Variants in KCND2 observed in about 807,000 individuals in gnomAD.
KCND2 encodes the protein potassium voltage-gated channel subfamily D member 2.
In KCND2, 16 loss-of-function variants were observed where a neutral mutation model predicts 54.4. The observed-to-expected ratio is 0.29, with a 90% CI of 0.20 to 0.45. The LOEUF is 0.45. Among genes scored for constraint, KCND2 ranks in the 20% least tolerant of loss-of-function variants. The probability of loss-of-function intolerance (pLI) is 1.00; values close to 1 mark genes in which losing one functional copy is unlikely to be tolerated. For synonymous variants in KCND2, 317 were observed against 310.7 expected (o/e 1.02, Z -0.21); for missense variants, 486 against 824.2 (o/e 0.59, Z 5.02).
chr7:120,553,433 G>T (rs1167944474), intron 1 of KCND2, among the ~76,000 whole-genome samples: 1 of 152,204 alleles, frequency 6.6e-6, no homozygotes, highest in African/African-American at 2.4e-5. Context: ...ATCCACTGAT[G>T]TATACTTAGT....
chr7:120,352,445 T>C (rs998236041), intron 1 of KCND2, among the ~76,000 whole-genome samples: 2 of 120,378 alleles, frequency 1.7e-5, no homozygotes, highest in African/African-American at 5.9e-5. Flanking sequence ...TACAAATATA[T>C]ATACACACAT....
chr7:120,433,519 A>C (rs6980067), intron 1 of KCND2, among the ~76,000 whole-genome samples: 38,412 of 152,078 alleles, frequency 0.25, 6,623 homozygotes, highest in East Asian at 0.56. Context: ...GACACATCTC[A>C]CTGCATTTTA....
rs1216995177 is a variant in KCND2, at chr7:120,500,743, GTTGATCA to G, written c.1115+224997_1115+225003del. 5.3e-5 allele frequency among the ~76,000 whole-genome samples: 8 copies of G among 151,546 alleles called. No homozygotes were observed. The East Asian group carries it at 1.4e-3, about 26-fold the overall frequency. Reference sequence around the variant, plus strand: ...TAACTTGCTATTTTTGCTTCATTTGGTTGATCAACTTTGCTTTTCTAAATATGTGTCT... The same window carrying G: ...TAACTTGCTATTTTTGCTTCATTTGGACTTTGCTTTTCTAAATATGTGTCT... On this transcript the variant is annotated intron_variant, in intron 1 of 5. Coordinates refer to ENST00000331113, the MANE Select transcript of KCND2 (RefSeq NM_012281.3).
chr7:120,422,740 C>T (rs1267147045), intron 1 of KCND2, among the ~76,000 whole-genome samples: 1 of 152,200 alleles, frequency 6.6e-6, no homozygotes, highest in African/African-American at 2.4e-5. Flanking sequence ...GGTTATTCCA[C>T]TGTCTGTGAA....
chr7:120,370,807 T>G (rs1050191425), intron 1 of KCND2, among the ~76,000 whole-genome samples: 1 of 152,070 alleles, frequency 6.6e-6, no homozygotes, highest in African/African-American at 2.4e-5. Context: ...AAACAAAGAT[T>G]ATACCAGAGC....
chr7:120,372,297 G>A (rs989207179), intron 1 of KCND2, among the ~76,000 whole-genome samples: 2 of 151,448 alleles, frequency 1.3e-5, no homozygotes, highest in South Asian at 2.1e-4. Flanking sequence ...TCCATTCCTC[G>A]ACACTGCTCC....
chr7:120,473,563 G>C (rs1802490280), intron 1 of KCND2, among the ~76,000 whole-genome samples: 1 of 152,074 alleles, frequency 6.6e-6, no homozygotes. Context: ...CTTGTGTCAG[G>C]ATAGCAAATT....
At chr7:120,283,673 C>T (rs545012067) in intron 1 of KCND2, among the ~76,000 whole-genome samples, 1 of 152,188 alleles carries the variant, frequency 6.6e-6, no homozygotes, top group South Asian at 2.1e-4. Flanking sequence ...GGAACTGATG[C>T]AGATAATTAT....
intron 1 of KCND2, among the ~76,000 whole-genome samples, chr7:120,602,430 G>T (rs190380034): frequency 6.6e-6 from 1 of 152,008 alleles, no homozygotes; most frequent in Non-Finnish European, 1.5e-5. Flanking sequence ...AATATGCCTG[G>T]ACAGAGGTAT....
At chr7:120,386,611 C>T (rs1800991755) in intron 1 of KCND2, among the ~76,000 whole-genome samples, 1 of 152,078 alleles carries the variant, frequency 6.6e-6, no homozygotes, top group Non-Finnish European at 1.5e-5. Context: ...TTTAGAAAAC[C>T]AGAAATATTT....
chr7:120,429,330 A>T (rs903918044), intron 1 of KCND2, among the ~76,000 whole-genome samples: 3 of 152,114 alleles, frequency 2.0e-5, no homozygotes, highest in South Asian at 2.1e-4. Context: ...TAAATAAATA[A>T]ACAAAAAACA....
intron 1 of KCND2, among the ~76,000 whole-genome samples, chr7:120,424,435 A>G (rs564136572): frequency 6.6e-6 from 1 of 152,334 alleles, no homozygotes; most frequent in East Asian, 1.9e-4. Context: ...ACAATTTGCA[A>G]CAACTAATTA....
At chr7:120,299,976 G>A (rs1799563070) in intron 1 of KCND2, among the ~76,000 whole-genome samples, 1 of 151,970 alleles carries the variant, frequency 6.6e-6, no homozygotes, top group Non-Finnish European at 1.5e-5. Context: ...TGATTATTTT[G>A]GCATATATTA....
chr7:120,383,267 T>C (rs1340045077), intron 1 of KCND2, among the ~76,000 whole-genome samples: 1 of 152,098 alleles, frequency 6.6e-6, no homozygotes, highest in African/African-American at 2.4e-5. Context: ...CTTATCCACT[T>C]CTGTATCAGC....
chr7:120,425,968 T>C (rs976359430), intron 1 of KCND2, among the ~76,000 whole-genome samples: 1 of 152,120 alleles, frequency 6.6e-6, no homozygotes, highest in African/African-American at 2.4e-5. Context: ...TTAGAACTAG[T>C]TAATTTTATT....
rs539323407 is a variant in KCND2 at position 120,285,335 on chromosome 7, A to G, written c.1115+9588A>G. Among the ~76,000 whole-genome samples the G allele has an allele frequency of 5.3e-5, 8 of 152,090 alleles. No individual in the cohort carries two copies. The South Asian group carries it at 8.3e-4, about 16-fold the overall frequency. The stretch of plus-strand genomic sequence containing the variant: ...AGACTAGTTTACTTATTCTTGTGAA[A>G]TTAGGTATGAGAATTGATGTTGATA... On this transcript the variant is annotated intron_variant, in intron 1 of 5. Transcript: ENST00000331113.
At position 120,410,230 on chromosome 7, in the gene KCND2, G is replaced by C. The variant is rs1031911801; in HGVS notation, c.1115+134483G>C. On this transcript the variant is annotated intron_variant, in intron 1 of 5. Transcript: ENST00000331113. The stretch of plus-strand genomic sequence containing the variant: ...TTGGTCAATTTTCAAACTCTGTATT[G>C]TTTTCCATCAGTCTATATGCCTGTC... 1.4e-4 allele frequency among the ~76,000 whole-genome samples: 21 copies of C among 151,914 alleles called. 1 individual carries two copies. In the South Asian group the frequency reaches 2.3e-3, roughly 16 times the overall value.
intron 1 of KCND2, among the ~76,000 whole-genome samples, chr7:120,533,602 C>G (rs1200244955): frequency 2.0e-5 from 3 of 152,186 alleles, no homozygotes; most frequent in Middle Eastern, 6.8e-3. Context: ...AAATTTATTA[C>G]TAATGTAATG....
At chr7:120,517,280 T>C (rs926153278) in intron 1 of KCND2, among the ~76,000 whole-genome samples, 3 of 152,248 alleles carry the variant, frequency 2.0e-5, no homozygotes, top group Middle Eastern at 3.4e-3. Flanking sequence ...GTTAATGATA[T>C]AGTCAGTATC....
Sources: allele counts gnomAD v4.1 joint callset (sites outside exome capture counted in the v4.1 genomes callset), GRCh38; gene constraint gnomAD v4.1.1; transcripts MANE v1.5; gene names NCBI Gene and HGNC (gene_info 2026-07-23, HGNC 2026-07-21).